The following C16orf74 variants were observed in gnomAD, a reference collection of about 807,000 sequenced individuals.
The protein encoded by C16orf74 is calcimembrin.
Under a neutral mutation model 6.5 loss-of-function variants are expected in C16orf74, and 10 were observed. The observed-to-expected ratio is 1.54, with a 90% confidence interval of 0.95 to 2.61. The LOEUF (loss-of-function observed/expected upper bound fraction) is 2.61. C16orf74 is among the 30% of genes most tolerant of loss of function. C16orf74 has a pLI of 0.00. For missense variants in C16orf74, 141 were observed against 105.9 expected, an observed-to-expected ratio of 1.33 and a Z score of -1.45; for synonymous variants, 60 against 42.5, an observed-to-expected ratio of 1.41 and a Z score of -1.60.
rs149058802 is a variant in C16orf74 at position 85,710,000 on chromosome 16, G to A, written c.172+164C>T. ...TGCTGAGGCTGGCGCCGTGGCAGGG[G>A]GCTCACGGTGCAGTGTACACAGGTC... On this transcript the variant is annotated intron_variant, in intron 3 of 3. Coordinates refer to ENST00000284245, the MANE Select transcript of C16orf74 (RefSeq NM_206967.3). 1.7e-3 allele frequency among the ~76,000 whole-genome samples: 256 copies of A among 152,356 alleles called. 1 individual carries two copies. The highest frequency in any genetic ancestry group is 5.8e-3 in the African/African-American group (242 of 41,596).
chr16:85,731,559 T>C (rs1457995150), intron 2 of C16orf74, among the ~76,000 whole-genome samples: 1 of 151,908 alleles, frequency 6.6e-6, no homozygotes, highest in East Asian at 1.9e-4. Context: ...CTGGGCAGCG[T>C]GTAGTGTTGA....
At chr16:85,734,834 G>A (rs1387600381) in intron 2 of C16orf74, among the ~76,000 whole-genome samples, 1 of 152,180 alleles carries the variant, frequency 6.6e-6, no homozygotes, top group African/African-American at 2.4e-5. Context: ...GGTGATAACA[G>A]GCCCCGGGTG....
intron 1 of C16orf74, among the ~76,000 whole-genome samples, chr16:85,735,695 T>TC (rs1189668901): frequency 9.9e-5 from 15 of 151,324 alleles, no homozygotes; most frequent in East Asian, 9.7e-4. Context: ...TTTTTTTTTT[T>TC]CCCCTAATGC....
intron 1 of C16orf74, among the ~76,000 whole-genome samples, chr16:85,748,323 G>C (rs1380813170): frequency 6.6e-6 from 1 of 152,024 alleles, no homozygotes; most frequent in Non-Finnish European, 1.5e-5. Context: ...ATCTGGGCTG[G>C]GTGCAGTGGC....
chr16:85,720,294 G>C (rs2152060027), intron 2 of C16orf74, among the ~76,000 whole-genome samples: 1 of 152,310 alleles, frequency 6.6e-6, no homozygotes, highest in African/African-American at 2.4e-5. Context: ...GTGGGGGAAG[G>C]TGCCCAGCCG....
At chr16:85,731,584 A>T (rs781579214) in intron 2 of C16orf74, among the ~76,000 whole-genome samples, 1 of 152,138 alleles carries the variant, frequency 6.6e-6, no homozygotes, top group African/African-American at 2.4e-5. Context: ...CCAGGGAGTG[A>T]GAGTAATCGT....
At position 85,733,617 on chromosome 16, in the gene C16orf74, AAC is replaced by A. The variant is rs1343818469; in HGVS notation, c.28+1571_28+1572del. ...GCCTACTTTGTGACAGGCACTGGGG[AAC>A]TCATGTCTAAGGGAAGAAAGTCCTC... On this transcript the variant is annotated intron_variant, in intron 2 of 3. Coordinates refer to ENST00000284245, the MANE Select transcript of C16orf74 (RefSeq NM_206967.3). Among the ~76,000 whole-genome samples, 5 of 152,154 alleles carry A rather than the reference AAC, an allele frequency of 3.3e-5. No individual in the cohort carries two copies. The East Asian group carries it at 9.6e-4, about 29-fold the overall frequency.
chr16:85,731,908 C>T (rs1206456599), intron 2 of C16orf74, among the ~76,000 whole-genome samples: 2 of 152,204 alleles, frequency 1.3e-5, no homozygotes, highest in Non-Finnish European at 2.9e-5. Flanking sequence ...CCAGACTGGT[C>T]TTGAACTCCT....
chr16:85,730,119 G>C (rs1411499494), intron 2 of C16orf74, among the ~76,000 whole-genome samples: 1 of 152,166 alleles, frequency 6.6e-6, no homozygotes, highest in Non-Finnish European at 1.5e-5. Context: ...GAGGAAGGAG[G>C]AGGTGGCGAG....
chr16:85,709,937 G>A (rs1287247615), intron 3 of C16orf74, among the ~76,000 whole-genome samples: 2 of 152,282 alleles, frequency 1.3e-5, no homozygotes, highest in Admixed American at 6.5e-5. Flanking sequence ...CTGGCTGCTG[G>A]CAGGGGCTGT....
chr16:85,749,453 A>C (rs2054411195), intron 1 of C16orf74, among the ~76,000 whole-genome samples: 1 of 151,642 alleles, frequency 6.6e-6, no homozygotes, highest in African/African-American at 2.4e-5. Context: ...CAGCTCATTA[A>C]AAAATTTTTA....
chr16:85,725,893 C>T (rs1252799428), intron 2 of C16orf74, among the ~76,000 whole-genome samples: 1 of 152,100 alleles, frequency 6.6e-6, no homozygotes, highest in African/African-American at 2.4e-5. Context: ...CCGCACCTGG[C>T]CTGTATTACT....
At chr16:85,738,739 G>C (rs1241423850) in intron 1 of C16orf74, among the ~76,000 whole-genome samples, 1 of 151,876 alleles carries the variant, frequency 6.6e-6, no homozygotes, top group Non-Finnish European at 1.5e-5. Context: ...TGGGGCTGAG[G>C]GACGGAGGGC....
intron 1 of C16orf74, among the ~76,000 whole-genome samples, chr16:85,746,100 A>T (rs900902223): frequency 2.6e-5 from 4 of 152,164 alleles, no homozygotes; most frequent in Non-Finnish European, 5.9e-5. Flanking sequence ...TCATCCCAGC[A>T]CTTTGGGAGG....
At chr16:85,749,485 G>T (rs2054411896) in intron 1 of C16orf74, among the ~76,000 whole-genome samples, 1 of 151,972 alleles carries the variant, frequency 6.6e-6, no homozygotes, top group South Asian at 2.1e-4. Flanking sequence ...GACTCACTGT[G>T]TTGCCCAGGC....
chr16:85,738,983 TA>T (rs2054274417), intron 1 of C16orf74, among the ~76,000 whole-genome samples: 2 of 73,856 alleles, frequency 2.7e-5, no homozygotes, highest in Non-Finnish European at 7.1e-5. Context: ...CTTTGGACTC[TA>T]GAGCCCACGC....
rs1344718369 is a variant in C16orf74 at position 85,715,507 on chromosome 16, T to C, written c.29-5200A>G. Among the ~76,000 whole-genome samples, 5 of 152,188 alleles carry C rather than the reference T, an allele frequency of 3.3e-5. No homozygotes were observed. The South Asian group carries it at 1.0e-3, about 32-fold the overall frequency. The stretch of plus-strand genomic sequence containing the variant: ...CCAAGAGCCGGTGCTTCCTGTAGCA[T>C]AATCCCATGTAACAGCTGGCAAACT... On this transcript the variant is annotated intron_variant, in intron 2 of 3. Coordinates refer to ENST00000284245, the MANE Select transcript of C16orf74 (RefSeq NM_206967.3).
intron 2 of C16orf74, among the ~76,000 whole-genome samples, chr16:85,729,009 T>G (rs419504): frequency 0.28 from 43,100 of 152,120 alleles, 6,479 homozygotes; most frequent in Middle Eastern, 0.37. Context: ...AAGTGATGCC[T>G]ATACAGAAGG....
chr16:85,734,500 G>A (rs199843945), intron 2 of C16orf74, among the ~76,000 whole-genome samples: 1,916 of 152,254 alleles, frequency 0.013, 38 homozygotes, highest in African/African-American at 0.044. Context: ...TCACACCACT[G>A]GCCATGGGAC....
Sources: allele counts gnomAD v4.1 joint callset (sites outside exome capture counted in the v4.1 genomes callset), GRCh38; gene constraint gnomAD v4.1.1; transcripts MANE v1.5; gene names NCBI Gene and HGNC (gene_info 2026-07-23, HGNC 2026-07-21).